Variants in MERTK observed in about 807,000 individuals in gnomAD.
The protein encoded by MERTK is MER proto-oncogene, tyrosine kinase, also known as tyrosine-protein kinase Mer.
A neutral mutation model predicts 99.3 loss-of-function variants in MERTK; 69 were observed. The observed-to-expected ratio is 0.70, with a 90% confidence interval of 0.57 to 0.85. MERTK has a LOEUF of 0.85. MERTK is among the 40% of genes least tolerant of loss of function. MERTK has a pLI of 0.00. For synonymous variants in MERTK, 426 were observed against 467.6 expected (o/e 0.91, Z 1.15); for missense variants, 1,125 against 1,249.4 (o/e 0.90, Z 1.50).
intron 1 of MERTK, among the ~76,000 whole-genome samples, chr2:111,923,523 T>C (rs1684503300): frequency 6.6e-6 from 1 of 152,148 alleles, no homozygotes; most frequent in Admixed American, 6.5e-5. Flanking sequence ...GGGAGGCTAG[T>C]GATCCAAGGC....
rs1425732366 is a variant in MERTK, at chr2:112,028,245, G to T, written c.2487-106G>T. 59 of 1,229,918 alleles carry T rather than the reference G, an allele frequency of 4.8e-5. No homozygotes were observed. The Admixed American group carries it at 1.1e-3, about 23-fold the overall frequency. 76.2% of individuals were successfully genotyped at this position (1,229,918 alleles called of 1,614,324 possible). ...CAATAATTTTTATAAAAAGTAGAATGAATGCTGATTAAAATGTGATAAAGA... is the reference window on the plus strand; with the variant it reads ...CAATAATTTTTATAAAAAGTAGAATTAATGCTGATTAAAATGTGATAAAGA... On this transcript the variant is annotated intron_variant, in intron 18 of 18. Coordinates refer to ENST00000295408, the MANE Select transcript of MERTK (RefSeq NM_006343.3).
chr2:112,012,043 T>G (rs1216833257), intron 15 of MERTK, among the ~76,000 whole-genome samples: 1 of 152,106 alleles, frequency 6.6e-6, no homozygotes, highest in Admixed American at 6.5e-5. Flanking sequence ...GTAACTAGAC[T>G]GGGGGGTGTG....
chr2:111,978,874 T>G (rs1289509865), intron 7 of MERTK, among the ~76,000 whole-genome samples: 2 of 152,148 alleles, frequency 1.3e-5, no homozygotes, highest in African/African-American at 2.4e-5. Flanking sequence ...TCCTGTAGGG[T>G]CTTGCTTTTA....
chr2:112,009,294 A>G (rs967138519), intron 14 of MERTK, among the ~76,000 whole-genome samples: 1 of 152,204 alleles, frequency 6.6e-6, no homozygotes, highest in Non-Finnish European at 1.5e-5. Context: ...TATGAGAACA[A>G]TTGCACTTTG....
chr2:111,982,260 T>C (rs1462794971), intron 7 of MERTK, among the ~76,000 whole-genome samples: 1 of 152,116 alleles, frequency 6.6e-6, no homozygotes, highest in East Asian at 1.9e-4. Context: ...TCTCACTATG[T>C]TGTCCAGGCT....
chr2:111,966,291 T>A lies in MERTK; in HGVS notation c.844+1014T>A, dbSNP rs139241417. 7.5e-4 allele frequency among the ~76,000 whole-genome samples: 114 copies of A among 152,262 alleles called. 1 individual carries two copies. Among genetic ancestry groups the A allele is most frequent in the African/African-American group, 2.4e-3 (101 of 41,536 alleles). On this transcript the variant is annotated intron_variant, in intron 5 of 18. Transcript: ENST00000295408. ...CAAAAGAAGTTATACTCAAAAAAGA[T>A]GCTAATTTTAGTTTCAGCAAATCAA... is the stretch of plus-strand genomic sequence containing the variant.
At chr2:111,917,898 A>AAT (rs1684382995) in intron 1 of MERTK, among the ~76,000 whole-genome samples, 2 of 151,490 alleles carry the variant, frequency 1.3e-5, no homozygotes, top group South Asian at 4.2e-4. Flanking sequence ...AAAAAAAAAA[A>AAT]TGCCAAAAGA....
intron 13 of MERTK, 96 bp downstream of exon 13, chr2:112,004,080 G>T: frequency 9.3e-7 from 1 of 1,072,106 alleles, no homozygotes; most frequent in Non-Finnish European, 1.4e-6. Flanking sequence ...TCAGTTCCCA[G>T]TGGGCCAGAA....
intron 2 of MERTK, among the ~76,000 whole-genome samples, chr2:111,939,262 C>T (rs1271653654): frequency 6.6e-6 from 1 of 151,998 alleles, no homozygotes; most frequent in African/African-American, 2.4e-5. Context: ...GCTTAGGTCT[C>T]TCTTCCTCTT....
At chr2:111,906,815 A>C (rs1178257897) in intron 1 of MERTK, among the ~76,000 whole-genome samples, 1 of 152,254 alleles carries the variant, frequency 6.6e-6, no homozygotes, top group Non-Finnish European at 1.5e-5. Context: ...GAAAGATGTA[A>C]GTTCTCATCC....
intron 4 of MERTK, among the ~76,000 whole-genome samples, chr2:111,955,121 G>A (rs533325805): frequency 4.6e-5 from 7 of 152,154 alleles, no homozygotes; most frequent in South Asian, 2.1e-4. Context: ...AAACTTTGCC[G>A]ACCCCTTCTA....
chr2:111,912,083 A>G (rs1573564284), intron 1 of MERTK, among the ~76,000 whole-genome samples: 1 of 151,472 alleles, frequency 6.6e-6, no homozygotes, highest in Non-Finnish European at 1.5e-5. Context: ...GCTCACTGCA[A>G]CCTCCACCTT....
chr2:111,943,401 C>T (rs529058589), intron 2 of MERTK, among the ~76,000 whole-genome samples: 2 of 152,186 alleles, frequency 1.3e-5, no homozygotes, highest in South Asian at 2.1e-4. Context: ...CGGCTGAGAA[C>T]GGTGGCTCAT....
chr2:111,940,706 C>A, intron 2 of MERTK: 3 of 788,926 alleles, frequency 3.8e-6, no homozygotes, highest in Non-Finnish European at 6.8e-6. Context: ...GTTGCATTGT[C>A]AGCAGTTTTT....
intron 9 of MERTK, 88 bp from the exon 10 acceptor site, chr2:111,997,235 A>G (rs1251264532): frequency 6.9e-7 from 1 of 1,440,472 alleles, no homozygotes; most frequent in Admixed American, 1.7e-5. Flanking sequence ...CTGAGTTCTG[A>G]AAGCTTTGAC....
chr2:111,902,478 C>T (rs368113661), intron 1 of MERTK, among the ~76,000 whole-genome samples: 5 of 152,178 alleles, frequency 3.3e-5, no homozygotes, highest in African/African-American at 9.7e-5. Context: ...AGACTCACAG[C>T]GAACCTCTTT....
At chr2:111,991,582 T>C (rs986927968) in intron 8 of MERTK, among the ~76,000 whole-genome samples, 1 of 152,134 alleles carries the variant, frequency 6.6e-6, no homozygotes, top group Non-Finnish European at 1.5e-5. Context: ...AGGTTAATTA[T>C]TAATTTGTTC....
chr2:111,964,368 C>CGTGTGTGTGT (rs200168355), intron 4 of MERTK, among the ~76,000 whole-genome samples: 53 of 141,274 alleles, frequency 3.8e-4, no homozygotes, highest in East Asian at 1.2e-3. Flanking sequence ...ATCATTGTCT[C>CGTGTGTGTGT]GTGTGTGTGT....
chr2:111,965,587 C>G (rs1685344912), intron 5 of MERTK, among the ~76,000 whole-genome samples: 1 of 152,210 alleles, frequency 6.6e-6, no homozygotes, highest in African/African-American at 2.4e-5. Flanking sequence ...AGAAAACAAG[C>G]TAAAATGTTT....
Sources: gnomAD v4.1 joint callset for allele counts (sites outside exome capture counted in the v4.1 genomes callset) on GRCh38, gnomAD v4.1.1 for gene constraint, MANE v1.5 for transcripts, NCBI Gene and HGNC (gene_info 2026-07-23, HGNC 2026-07-21) for gene names.